The following DCDC2 variants were observed in gnomAD, a reference collection of about 807,000 sequenced individuals.
DCDC2 encodes the protein doublecortin domain-containing protein 2.
In DCDC2, 40 loss-of-function variants were observed where a neutral mutation model predicts 50.2. That is an observed-to-expected ratio of 0.80 (90% CI 0.62 to 1.04). The LOEUF (loss-of-function observed/expected upper bound fraction) is 1.04. DCDC2 is among the 50% of genes least tolerant of loss of function. DCDC2 has a pLI of 0.00. For synonymous variants in DCDC2, 234 were observed against 210.6 expected, an observed-to-expected ratio of 1.11 and a Z score of -0.96; for missense variants, 570 against 581.9, an observed-to-expected ratio of 0.98 and a Z score of 0.21.
intron 7 of DCDC2, among the ~76,000 whole-genome samples, chr6:24,260,450 A>G (rs1762984966): frequency 6.6e-6 from 1 of 152,220 alleles, no homozygotes. Context: ...AAAATGCTAA[A>G]TAACCATCAT....
At chr6:24,302,135 G>T in intron 2 of DCDC2, 91 bp from the exon 3 acceptor site, 1 of 1,097,390 alleles carries the variant, frequency 9.1e-7, no homozygotes, top group Non-Finnish European at 1.3e-6. Context: ...CTAGGGAACT[G>T]CCTGAGACTT....
At chr6:24,224,149 CG>C (rs999169044) in intron 7 of DCDC2, among the ~76,000 whole-genome samples, 1 of 152,134 alleles carries the variant, frequency 6.6e-6, no homozygotes, top group Non-Finnish European at 1.5e-5. Flanking sequence ...CAGAGTTCAC[CG>C]GGAATGGGCT....
chr6:24,362,829 C>G (rs776782889), upstream of DCDC2, among the ~76,000 whole-genome samples: 10 of 152,180 alleles, frequency 6.6e-5, no homozygotes, highest in Non-Finnish European at 1.3e-4. Flanking sequence ...TCACAGAACA[C>G]ATTTAACTGT....
chr6:24,292,099 C>T (rs113420031), intron 4 of DCDC2, among the ~76,000 whole-genome samples: 115 of 152,076 alleles, frequency 7.6e-4, no homozygotes, highest in African/African-American at 2.4e-3. Flanking sequence ...ACTGCTGCTA[C>T]GAGCTACAAT....
At chr6:24,241,796 A>G (rs1762567463) in intron 7 of DCDC2, among the ~76,000 whole-genome samples, 1 of 152,226 alleles carries the variant, frequency 6.6e-6, no homozygotes, top group Admixed American at 6.5e-5. Context: ...GTTTATCCCT[A>G]AAGACAGTAG....
chr6:24,339,220 G>A (rs4052662), intron 2 of DCDC2, among the ~76,000 whole-genome samples: 6,217 of 151,822 alleles, frequency 0.041, 192 homozygotes, highest in Non-Finnish European at 0.057. Flanking sequence ...AGGTCACAAC[G>A]TATATATCAT....
At chr6:24,354,216 T>C (rs1352251732) in intron 1 of DCDC2, among the ~76,000 whole-genome samples, 8 of 152,180 alleles carry the variant, frequency 5.3e-5, no homozygotes, top group Admixed American at 2.6e-4. Context: ...TGATCATTCT[T>C]TAGCTGTTAC....
At chr6:24,319,669 G>T (rs1331697341) in intron 2 of DCDC2, among the ~76,000 whole-genome samples, 1 of 152,038 alleles carries the variant, frequency 6.6e-6, no homozygotes, top group Admixed American at 6.6e-5. Context: ...AGGTAAGAAG[G>T]GTATTTTGAA....
intron 7 of DCDC2, among the ~76,000 whole-genome samples, chr6:24,277,762 T>C (rs190358634): frequency 1.3e-3 from 204 of 152,140 alleles, no homozygotes; most frequent in African/African-American, 4.7e-3. Context: ...GTAAAAATAT[T>C]AATCAAGCAA....
chr6:24,335,693 A>T (rs1760045287), intron 2 of DCDC2, among the ~76,000 whole-genome samples: 1 of 152,150 alleles, frequency 6.6e-6, no homozygotes, highest in South Asian at 2.1e-4. Flanking sequence ...GGCTGGGAGG[A>T]CTCAGGAAAC....
chr6:24,303,740 T>C (rs1221684164), intron 2 of DCDC2, among the ~76,000 whole-genome samples: 1 of 152,232 alleles, frequency 6.6e-6, no homozygotes, highest in African/African-American at 2.4e-5. Flanking sequence ...TTTCTAATCA[T>C]CAAAACAGTG....
chr6:24,207,476 T>G (rs1306530265), intron 7 of DCDC2, among the ~76,000 whole-genome samples: 1 of 152,180 alleles, frequency 6.6e-6, no homozygotes, highest in Non-Finnish European at 1.5e-5. Context: ...TAATGAATAG[T>G]GCAAAATAGG....
At chr6:24,369,963 G>A in the DCDC2 span, among the ~76,000 whole-genome samples, 1 of 152,112 alleles carries the variant, frequency 6.6e-6, no homozygotes, top group Admixed American at 6.5e-5. Flanking sequence ...GATCTCTTGA[G>A]CAGGGGACTG....
At chr6:24,204,325 G>A (rs750086291) in intron 8 of DCDC2, among the ~76,000 whole-genome samples, 8 of 152,098 alleles carry the variant, frequency 5.3e-5, no homozygotes, top group East Asian at 1.9e-4. Context: ...GGATGTGTTC[G>A]TGTCTTTTGC....
At chr6:24,260,088 T>C (rs1163565312) in intron 7 of DCDC2, among the ~76,000 whole-genome samples, 1 of 152,236 alleles carries the variant, frequency 6.6e-6, no homozygotes, top group Non-Finnish European at 1.5e-5. Flanking sequence ...ACTAACTTTT[T>C]TCTTCCCTCT....
intron 8 of DCDC2, among the ~76,000 whole-genome samples, chr6:24,184,127 T>C (rs577228409): frequency 6.6e-6 from 1 of 152,160 alleles, no homozygotes; most frequent in Non-Finnish European, 1.5e-5. Context: ...GGCTAGGGTG[T>C]AAACAAAAGG....
At position 24,178,833 on chromosome 6, in the gene DCDC2, C is replaced by G. The variant is rs2282374; in HGVS notation, c.1024-201G>C. Among the ~76,000 whole-genome samples the G allele has an allele frequency of 0.082, 12,520 of 152,174 alleles. 692 individuals carry two copies. Among genetic ancestry groups the G allele is most frequent in the East Asian group, 0.18 (912 of 5,166 alleles). On this transcript the variant is annotated intron_variant, in intron 8 of 9. Coordinates refer to ENST00000378454, the MANE Select transcript of DCDC2 (RefSeq NM_016356.5). ...GTTACAAGCATTCCCTCATTTAATC[C>G]TCACAACAATCCTTTGAAATTGTTA... is the stretch of plus-strand genomic sequence containing the variant.
intron 2 of DCDC2, among the ~76,000 whole-genome samples, chr6:24,338,334 C>T (rs979334664): frequency 4.5e-4 from 69 of 152,300 alleles, no homozygotes; most frequent in African/African-American, 1.7e-3. Context: ...TCAAATATCT[C>T]TGCCTGTCAC....
chr6:24,357,515 T>C lies in DCDC2; in HGVS notation c.236A>G (p.Gln79Arg), dbSNP rs1581669643. ...RTGHRIRKLD[Q>R]IQSGGNYVAG... is the part of the protein sequence containing the mutation. ...CACGTAATTGCCCCCGCTCTGGATC[T>C]GGTCTAGCTTCCGGATTCGGTGGCC... Residue 79 changes from glutamine (Q) to arginine (R), a missense_variant, in exon 1 of 10, where the codon CAG becomes CGG. By Grantham distance (43) the Gln-to-Arg change is conservative (BLOSUM62 1). Transcript: ENST00000378454. 1.2e-6 allele frequency: 2 copies of C among 1,613,080 alleles called. No homozygotes were observed. The highest frequency in any genetic ancestry group is 1.7e-6 in the Non-Finnish European group (2 of 1,179,772).
Sources: allele counts gnomAD v4.1 joint callset (sites outside exome capture counted in the v4.1 genomes callset), GRCh38; gene constraint gnomAD v4.1.1; transcripts MANE v1.5; gene names NCBI Gene and HGNC (gene_info 2026-07-23, HGNC 2026-07-21).